Variants in AHRR observed in about 807,000 individuals in gnomAD.
The protein encoded by AHRR is aryl hydrocarbon receptor repressor, also known as ahR repressor.
In AHRR, 28 loss-of-function variants were observed where a neutral mutation model predicts 44.0. The ratio of observed to expected loss-of-function variants is 0.64; its 90% CI spans 0.47 to 0.87. The LOEUF is 0.87. Ranked by LOEUF, AHRR falls within the 40% of genes least tolerant of loss-of-function variation. The probability of loss-of-function intolerance (pLI) is 0.00; values close to 1 mark genes in which losing one functional copy is unlikely to be tolerated. For missense variants in AHRR, 990 were observed against 953.9 expected (o/e 1.04, Z -0.50); for synonymous variants, 434 against 407.0 (o/e 1.07, Z -0.80).
At chr5:344,762 GGT>G (rs140794440) in intron 2 of AHRR, among the ~76,000 whole-genome samples, 4,664 of 17,902 alleles carry the variant, frequency 0.26, 1,609 homozygotes, top group Non-Finnish European at 0.39. Flanking sequence ...TGTGTGTGTG[GGT>G]GTGTGTGTGA....
At chr5:425,195 T>C (rs1736328005) in intron 7 of AHRR, among the ~76,000 whole-genome samples, 1 of 152,252 alleles carries the variant, frequency 6.6e-6, no homozygotes, top group African/African-American at 2.4e-5. Flanking sequence ...CCTGTTTCTG[T>C]GTCTTTCCCA....
intron 4 of AHRR, chr5:403,613 A>G (rs144479222): frequency 0.013 from 6,117 of 468,420 alleles, 75 homozygotes; most frequent in South Asian, 0.036. Flanking sequence ...ACTCCAGCCT[A>G]GGTGACAGAA....
chr5:389,735 C>T (rs1346843152), intron 4 of AHRR, among the ~76,000 whole-genome samples: 2 of 151,958 alleles, frequency 1.3e-5, no homozygotes, highest in Non-Finnish European at 2.9e-5. Context: ...TGGCGGCCCC[C>T]AGGACACACG....
chr5:373,633 T>A (rs1188432440), intron 3 of AHRR, among the ~76,000 whole-genome samples: 9 of 142,134 alleles, frequency 6.3e-5, no homozygotes, highest in African/African-American at 2.1e-4. Flanking sequence ...AGGAGGAGAC[T>A]GGGGCTGGAG....
At chr5:425,763 T>G (rs1164187380) in intron 7 of AHRR, among the ~76,000 whole-genome samples, 2 of 152,212 alleles carry the variant, frequency 1.3e-5, no homozygotes, top group African/African-American at 4.8e-5. Context: ...GCTAAAATAT[T>G]GCAATAAGGT....
intron 1 of AHRR, among the ~76,000 whole-genome samples, chr5:322,131 G>T (rs969039139): frequency 7.9e-5 from 12 of 152,030 alleles, no homozygotes; most frequent in African/African-American, 2.9e-4. Context: ...CGCTCCCTGG[G>T]GCTGGGCGGG....
chr5:424,394 G>T (rs375137099), intron 7 of AHRR, among the ~76,000 whole-genome samples: 1,634 of 114,324 alleles, frequency 0.014, 20 homozygotes, highest in Admixed American at 0.026. Context: ...CCCTGGTGGG[G>T]GGGCGAGGGC....
At chr5:372,688 C>T (rs1045471126) in intron 3 of AHRR, among the ~76,000 whole-genome samples, 1 of 152,192 alleles carries the variant, frequency 6.6e-6, no homozygotes, top group Admixed American at 6.5e-5. Context: ...ACCGCCTCCC[C>T]CGCCCCTACC....
At chr5:343,271 C>G (rs1049238110) in intron 1 of AHRR, among the ~76,000 whole-genome samples, 3 of 147,650 alleles carry the variant, frequency 2.0e-5, no homozygotes, top group African/African-American at 7.3e-5. Flanking sequence ...ACACGGGACC[C>G]CACATACCTT....
At chr5:431,615 T>G in intron 8 of AHRR, among the ~76,000 whole-genome samples, 1 of 147,174 alleles carries the variant, frequency 6.8e-6, no homozygotes, top group Non-Finnish European at 1.5e-5. Context: ...GCAGCCCCCA[T>G]GGCCCCCAGC....
intron 1 of AHRR, among the ~76,000 whole-genome samples, chr5:332,929 C>CTTTTTTTTTTTTTTTTTT (rs57937804): frequency 7.6e-6 from 1 of 132,080 alleles, no homozygotes; most frequent in African/African-American, 3.0e-5. Flanking sequence ...TGACCTTTGT[C>CTTTTTTTTTTTTTTTTTT]TTTTTTTTTT....
chr5:354,754 C>T (rs1379768402), intron 3 of AHRR, among the ~76,000 whole-genome samples: 1 of 152,110 alleles, frequency 6.6e-6, no homozygotes, highest in Non-Finnish European at 1.5e-5. Context: ...CCGGTGCCTG[C>T]ACTCCTGAGT....
Position 434,585 on chromosome 5 carries a change from CTG to C in AHRR, c.1848_1849del (p.Ala617LeufsTer24). The C allele has an allele frequency of 6.4e-7, 1 of 1,574,346 alleles. No individual in the cohort carries two copies. Among genetic ancestry groups the C allele is most frequent in the South Asian group, 1.2e-5 (1 of 86,714 alleles). ...RELTPFHPAH[C>X]ACLEPTDGLP... ...AGCTGACCCCTTTCCACCCTGCACACTGTGCCTGCCTGGAGCCCACAGACGGC... is the reference window on the plus strand; with the variant it reads ...AGCTGACCCCTTTCCACCCTGCACACTGCCTGCCTGGAGCCCACAGACGGC... On this transcript the variant is annotated frameshift_variant, in exon 11 of 11. Transcript: ENST00000684583.
intron 3 of AHRR, among the ~76,000 whole-genome samples, chr5:368,785 G>A (rs555004558): frequency 7.9e-5 from 12 of 152,340 alleles, no homozygotes; most frequent in South Asian, 4.1e-4. Context: ...AGAGAAACGC[G>A]TGGGCACTGC....
intron 1 of AHRR, among the ~76,000 whole-genome samples, chr5:325,381 C>T (rs768701011): frequency 2.0e-5 from 3 of 152,214 alleles, no homozygotes; most frequent in East Asian, 3.8e-4. Flanking sequence ...TGCTGGGAAC[C>T]GTCTCTGGCC....
At position 404,975 on chromosome 5, in the gene AHRR, C is replaced by G. The variant is rs887159893; in HGVS notation, c.352-8369C>G. On this transcript the variant is annotated intron_variant, in intron 4 of 10. Coordinates refer to ENST00000684583, the MANE Select transcript of AHRR (RefSeq NM_001377236.1). This position sits in a 1 kb window ranked among gnomAD's most constrained non-coding sequence, Gnocchi z 4.1. Reference sequence around the variant, plus strand: ...TTTCATGTCCTGCTGATTAATCCAGCTACTGAGAGGAAAATAGTGATTTCC... The same window carrying G: ...TTTCATGTCCTGCTGATTAATCCAGGTACTGAGAGGAAAATAGTGATTTCC... Among the ~76,000 whole-genome samples, 5 of 152,128 alleles carry G rather than the reference C, an allele frequency of 3.3e-5. No homozygotes were observed. The highest frequency in any genetic ancestry group is 1.2e-4 in the African/African-American group (5 of 41,390).
chr5:394,159 G>T (rs114248815), intron 4 of AHRR, among the ~76,000 whole-genome samples: 14,971 of 152,276 alleles, frequency 0.098, 1,012 homozygotes, highest in Admixed American at 0.13. Context: ...TGTCTGGGTG[G>T]CAGGAGGGAG....
chr5:392,611 A>G (rs576340978), intron 4 of AHRR, among the ~76,000 whole-genome samples: 1 of 152,206 alleles, frequency 6.6e-6, no homozygotes, highest in South Asian at 2.1e-4. Context: ...AAGACAGAGG[A>G]AAATGCCCAA....
intron 1 of AHRR, among the ~76,000 whole-genome samples, chr5:322,245 C>T (rs1741521817): frequency 6.6e-6 from 1 of 152,100 alleles, no homozygotes; most frequent in Non-Finnish European, 1.5e-5. Context: ...CAGTAGCACC[C>T]AGTAGCGCTG....
Sources: gnomAD v4.1 joint callset for allele counts (sites outside exome capture counted in the v4.1 genomes callset) on GRCh38, gnomAD v4.1.1 for gene constraint, Gnocchi (gnomAD v3.1) non-coding constraint, MANE v1.5 for transcripts, NCBI Gene and HGNC (gene_info 2026-07-23, HGNC 2026-07-21) for gene names.